The following LARP4B variants were observed in gnomAD, a reference collection of about 807,000 sequenced individuals.
The protein encoded by LARP4B is la-related protein 4B.
In LARP4B, 12 loss-of-function variants were observed where a neutral mutation model predicts 89.8. The ratio of observed to expected loss-of-function variants is 0.13; its 90% CI spans 0.09 to 0.22. LARP4B has a LOEUF of 0.22. Ranked by LOEUF, LARP4B falls within the 10% of genes least tolerant of loss-of-function variation. The pLI is 1.00. For missense variants in LARP4B, 757 were observed against 947.7 expected (o/e 0.80, Z 2.64); for synonymous variants, 367 against 363.3 (o/e 1.01, Z -0.12).
In LARP4B at chr10:814,765, C is replaced by T. The variant is rs1450024463; in HGVS notation, c.1906G>A (p.Val636Met). 3.1e-6 allele frequency: 5 copies of T among 1,600,672 alleles called. No individual in the cohort carries two copies. Among genetic ancestry groups the T allele is most frequent in the Middle Eastern group, 3.3e-4 (2 of 6,052 alleles). ...SALTATACKS[V>M]QVNGAATELR... ...ACCGTGGCGGCTCCGTTCACCTGCA[C>T]CGATTTACACGCGGTCGCAGTGAGG... is the stretch of plus-strand genomic sequence containing the variant. Residue 636 changes from valine to methionine, a missense_variant, in exon 17 of 18, where the codon GTG becomes ATG. By Grantham distance (21) the Val-to-Met change is conservative. Around this residue, in one of 5 missense-constraint regions of LARP4B, gnomAD observed 387 missense variants for 423.6 expected, o/e 0.91. Transcript: ENST00000316157. The surrounding 1 kb of genome is among the most constrained non-coding windows in gnomAD (Gnocchi z 4.4).
At chr10:841,840 A>G (rs1261200539) in intron 7 of LARP4B, among the ~76,000 whole-genome samples, 1 of 152,234 alleles carries the variant, frequency 6.6e-6, no homozygotes, top group Non-Finnish European at 1.5e-5. Context: ...CCAATAATTT[A>G]ATAACCCATG....
chr10:937,877 T>C, the LARP4B span, among the ~76,000 whole-genome samples: 1 of 152,048 alleles, frequency 6.6e-6, no homozygotes, highest in African/African-American at 2.4e-5. Context: ...TTTTATTTTA[T>C]TTATTTTTAT....
chr10:833,249 TAAAAAAAAAAAAAAA>T lies in LARP4B; in HGVS notation c.751-2287_751-2273del, dbSNP rs56788542. Among the ~76,000 whole-genome samples the T allele has an allele frequency of 2.1e-3, 107 of 52,068 alleles. No individual in the cohort carries two copies. In the East Asian group the frequency reaches 0.029, roughly 14 times the overall value. The allele number at this position is 52,068 out of a possible 152,430, so 34.2% of individuals were successfully genotyped here. On this transcript the variant is annotated intron_variant, in intron 8 of 17. Coordinates refer to ENST00000316157, the MANE Select transcript of LARP4B (RefSeq NM_015155.3). ...AACACTAACGATAGCTGATGAGCTT[TAAAAAAAAAAAAAAA>T]AAAAAAAAAAAAAAAAAAAACCTCA...
chr10:894,769 A>G (rs1418189634), intron 1 of LARP4B, among the ~76,000 whole-genome samples: 2 of 152,210 alleles, frequency 1.3e-5, no homozygotes, highest in African/African-American at 4.8e-5. Context: ...TTTTTTTGGT[A>G]AGTTTAAGGG....
At chr10:908,324 C>A (rs939344354) in intron 1 of LARP4B, among the ~76,000 whole-genome samples, 1 of 152,054 alleles carries the variant, frequency 6.6e-6, no homozygotes, top group Admixed American at 6.5e-5. Context: ...GCCCTTCCCC[C>A]ACACCTTGCC....
the LARP4B span, among the ~76,000 whole-genome samples, chr10:947,318 T>C: frequency 6.6e-6 from 1 of 152,132 alleles, no homozygotes; most frequent in South Asian, 2.1e-4. Flanking sequence ...ATGGAAGATA[T>C]AAGGCACAGT....
chr10:832,024 T>A (rs888666140), intron 8 of LARP4B, among the ~76,000 whole-genome samples: 1 of 152,138 alleles, frequency 6.6e-6, no homozygotes, highest in African/African-American at 2.4e-5. Context: ...TATGGAAGAT[T>A]GTTTTTATTT....
the LARP4B span, among the ~76,000 whole-genome samples, chr10:951,217 T>C: frequency 3.9e-5 from 6 of 152,192 alleles, no homozygotes; most frequent in Non-Finnish European, 7.3e-5. Flanking sequence ...AGATGTTCTT[T>C]ATTAAGTTGA....
At chr10:896,686 A>G (rs993411017) in intron 1 of LARP4B, among the ~76,000 whole-genome samples, 1 of 152,224 alleles carries the variant, frequency 6.6e-6, no homozygotes, top group Non-Finnish European at 1.5e-5. Flanking sequence ...ACAGAGATAA[A>G]CCACAGATGG....
intron 1 of LARP4B, among the ~76,000 whole-genome samples, chr10:925,404 T>C (rs972875080): frequency 6.6e-6 from 1 of 152,186 alleles, no homozygotes; most frequent in African/African-American, 2.4e-5. Flanking sequence ...TGGAAAAACA[T>C]CCACTAAAGT....
chr10:937,628 T>A, the LARP4B span, among the ~76,000 whole-genome samples: 1 of 152,108 alleles, frequency 6.6e-6, no homozygotes, highest in African/African-American at 2.4e-5. Context: ...CTCAGTTATA[T>A]GGTATTCCGG....
rs1005674932 is a variant in LARP4B, at chr10:822,802, C to T, written c.1485-1957G>A. 6.6e-6 allele frequency among the ~76,000 whole-genome samples: 1 copy of T among 152,242 alleles called. No individual in the cohort carries two copies. Among genetic ancestry groups the T allele is most frequent in the African/African-American group, 2.4e-5 (1 of 41,462 alleles). On this transcript the variant is annotated intron_variant, in intron 13 of 17. Coordinates refer to ENST00000316157, the MANE Select transcript of LARP4B (RefSeq NM_015155.3). This position sits in a 1 kb window ranked among gnomAD's most constrained non-coding sequence, Gnocchi z 4.6. The stretch of plus-strand genomic sequence containing the variant: ...CCAGCTGATCCTAACAGTAGCTCCA[C>T]CAAGGCAGCCACCTGGCGCCTGGGG...
the LARP4B span, among the ~76,000 whole-genome samples, chr10:936,990 AAAG>A: frequency 1.8e-4 from 27 of 152,352 alleles, no homozygotes; most frequent in Admixed American, 4.6e-4. Flanking sequence ...AGGAAGGAAA[AAAG>A]AAAGCTCTTC....
Position 817,711 on chromosome 10 carries a change from A to G in LARP4B, c.1695+14T>C. ...CACTGTTGGCAACTATTAGACATGC[A>G]ATATATCCCTTACCCTTTCTTTGGA... On this transcript the variant is annotated intron_variant, in intron 15 of 17. Coordinates refer to ENST00000316157, the MANE Select transcript of LARP4B (RefSeq NM_015155.3). 1 of 1,609,684 alleles carries G rather than the reference A, an allele frequency of 6.2e-7. No homozygotes were observed. Among genetic ancestry groups the G allele is most frequent in the South Asian group, 1.1e-5 (1 of 90,894 alleles).
chr10:959,208 A>G, the LARP4B span, among the ~76,000 whole-genome samples: 1 of 152,144 alleles, frequency 6.6e-6, no homozygotes, highest in African/African-American at 2.4e-5. Context: ...TGTGAGATGT[A>G]CTGGGCTGCA....
Position 829,451 on chromosome 10 carries a change from G to A in LARP4B, c.1059C>T (p.Phe353=), listed in dbSNP as rs1461752236. The A allele has an allele frequency of 4.3e-6, 7 of 1,614,146 alleles. No individual in the cohort carries two copies. The South Asian group carries it at 7.7e-5, about 18-fold the overall frequency. ...FPPMYSPQQQ[F]PLYSLITPQT... The stretch of plus-strand genomic sequence containing the variant: ...GGGGAGTGATCAGGCTGTACAGGGG[G>A]AACTGCTGCTGGGGGCTGTACATGG... Residue 353 remains phenylalanine, a synonymous_variant, in exon 11 of 18, where the codon TTC becomes TTT. Coordinates refer to ENST00000316157, the MANE Select transcript of LARP4B (RefSeq NM_015155.3).
the LARP4B span, among the ~76,000 whole-genome samples, chr10:970,303 G>A: frequency 6.6e-6 from 1 of 152,228 alleles, no homozygotes; most frequent in African/African-American, 2.4e-5. Context: ...CCAGCAGTAG[G>A]AGAGTGCTTT....
chr10:814,269 C>T lies in LARP4B; in HGVS notation c.1929+473G>A, dbSNP rs997059422. On this transcript the variant is annotated intron_variant, in intron 17 of 17. Transcript: ENST00000316157. This position sits in a 1 kb window ranked among gnomAD's most constrained non-coding sequence, Gnocchi z 4.4. The stretch of plus-strand genomic sequence containing the variant: ...CCACAACTCAGAGTAAGAGAGGCCA[C>T]AGTTCACCCAGTAGGGAAAACAGCA... 1.3e-5 allele frequency among the ~76,000 whole-genome samples: 2 copies of T among 152,114 alleles called. No homozygotes were observed. The highest frequency in any genetic ancestry group is 2.9e-5 in the Non-Finnish European group (2 of 68,028).
At chr10:824,485 CCT>C (rs1832516389) in intron 13 of LARP4B, among the ~76,000 whole-genome samples, 1 of 150,934 alleles carries the variant, frequency 6.6e-6, no homozygotes, top group South Asian at 2.1e-4. Flanking sequence ...GGAGTGAGAC[CCT>C]GTCTTAAAAA....
Sources: gnomAD v4.1 joint callset for allele counts (sites outside exome capture counted in the v4.1 genomes callset) on GRCh38, gnomAD v4.1.1 for gene constraint, gnomAD v4.1.1 regional missense constraint, Gnocchi (gnomAD v3.1) non-coding constraint, MANE v1.5 for transcripts, NCBI Gene and HGNC (gene_info 2026-07-23, HGNC 2026-07-21) for gene names.